Variants in KAZN observed in about 807,000 individuals in gnomAD.
KAZN encodes kazrin, periplakin interacting protein.
KAZN carries 40 observed loss-of-function variants against 87.4 expected under a neutral mutation model. The observed-to-expected ratio is 0.46, with a 90% confidence interval of 0.36 to 0.60. The LOEUF is 0.60. KAZN is among the 20% of genes least tolerant of loss of function. The probability of loss-of-function intolerance (pLI) is 0.00; values close to 1 mark genes in which losing one functional copy is unlikely to be tolerated. For missense variants in KAZN, 898 were observed against 1,073.9 expected (o/e 0.84, Z 2.29); for synonymous variants, 466 against 458.3 (o/e 1.02, Z -0.22).
rs1475991171 is a variant in KAZN at position 15,081,247 on chromosome 1, T to C, written c.1223-12933T>C. Among the ~76,000 whole-genome samples the C allele has an allele frequency of 1.3e-5, 2 of 152,214 alleles. No individual in the cohort carries two copies. The highest frequency in any genetic ancestry group is 2.9e-5 in the Non-Finnish European group (2 of 68,044). On this transcript the variant is annotated intron_variant, in intron 8 of 14. Coordinates refer to ENST00000376030, the MANE Select transcript of KAZN (RefSeq NM_201628.3). This position sits in a 1 kb window ranked among gnomAD's most constrained non-coding sequence, Gnocchi z 4.1. Reference sequence around the variant, plus strand: ...GCTCACACAGGCCCACGGATGGCTCTCTTCCCAACTCCACGTCCAGTGACA... The same window carrying C: ...GCTCACACAGGCCCACGGATGGCTCCCTTCCCAACTCCACGTCCAGTGACA...
chr1:13,958,060 C>T (rs955892476), intron 1 of KAZN, among the ~76,000 whole-genome samples: 4 of 152,110 alleles, frequency 2.6e-5, no homozygotes, highest in African/African-American at 4.8e-5. Context: ...TCACCTCATT[C>T]GTTCATTCAT....
intron 1 of KAZN, among the ~76,000 whole-genome samples, chr1:14,899,785 G>T (rs1041068442): frequency 7.9e-5 from 12 of 151,862 alleles, no homozygotes; most frequent in African/African-American, 2.9e-4. Context: ...TGCCACCTCC[G>T]CTCCCTCGGG....
At chr1:14,128,946 T>G (rs4662112) in intron 1 of KAZN, among the ~76,000 whole-genome samples, 1 of 152,008 alleles carries the variant, frequency 6.6e-6, no homozygotes, top group African/African-American at 2.4e-5. Context: ...TGAATTGCCT[T>G]AACAGAAGCC....
rs567916372 is a variant in KAZN at position 14,010,116 on chromosome 1, T to A, written c.91+116360T>A. Reference sequence around the variant, plus strand: ...AATAATACTAATTAAAAAAATTAGCTATAACTTTTTTTTTTACTCATATTT... The same window carrying A: ...AATAATACTAATTAAAAAAATTAGCAATAACTTTTTTTTTTACTCATATTT... On this transcript the variant is annotated intron_variant, in intron 1 of 16. Transcript: ENST00000636203. Among the ~76,000 whole-genome samples, 5 of 152,000 alleles carry A rather than the reference T, an allele frequency of 3.3e-5. No individual in the cohort carries two copies. The South Asian group carries it at 6.2e-4, about 19-fold the overall frequency.
intron 2 of KAZN, among the ~76,000 whole-genome samples, chr1:14,494,748 A>G (rs1050062717): frequency 2.6e-5 from 4 of 152,326 alleles, no homozygotes; most frequent in African/African-American, 9.6e-5. Context: ...TCAGGAGTAA[A>G]TATGTCCAGA....
chr1:14,284,337 A>T (rs1002444609), intron 2 of KAZN, among the ~76,000 whole-genome samples: 3 of 152,180 alleles, frequency 2.0e-5, no homozygotes, highest in African/African-American at 4.8e-5. Flanking sequence ...GTGATGCATG[A>T]GCTGGTTGCT....
chr1:14,037,083 CTATT>C (rs1473522299), intron 1 of KAZN, among the ~76,000 whole-genome samples: 1 of 152,102 alleles, frequency 6.6e-6, no homozygotes, highest in African/African-American at 2.4e-5. Context: ...CAGCTGGAGT[CTATT>C]TATATACACA....
At chr1:14,917,581 T>G (rs988713762) in intron 1 of KAZN, among the ~76,000 whole-genome samples, 1 of 152,212 alleles carries the variant, frequency 6.6e-6, no homozygotes, top group African/African-American at 2.4e-5. Context: ...CCTCATCTCC[T>G]GAAGGCCCTT....
Position 14,263,532 on chromosome 1 carries a change from C to G in KAZN, c.249+82940C>G, listed in dbSNP as rs147894934. On this transcript the variant is annotated intron_variant, in intron 2 of 16. Coordinates refer to the KAZN transcript ENST00000636203. ...GGCAACCCTGAGCTTCTCTTGTCAT[C>G]ACGTCAGCCAGGAAGGATTCTGAAT... 2.8e-3 allele frequency among the ~76,000 whole-genome samples: 430 copies of G among 152,226 alleles called. 1 individual carries two copies. Among genetic ancestry groups the G allele is most frequent in the African/African-American group, 9.6e-3 (400 of 41,540 alleles).
chr1:14,318,386 A>G (rs539217686), intron 2 of KAZN, among the ~76,000 whole-genome samples: 19 of 152,048 alleles, frequency 1.2e-4, no homozygotes, highest in Non-Finnish European at 2.1e-4. Context: ...ATTTTCTTCT[A>G]CGTTGCATAG....
intron 2 of KAZN, among the ~76,000 whole-genome samples, chr1:14,262,533 G>A (rs1450690851): frequency 6.6e-6 from 1 of 152,218 alleles, no homozygotes; most frequent in Non-Finnish European, 1.5e-5. Flanking sequence ...CTAGAGCCTT[G>A]TTTTAGCTCT....
intron 2 of KAZN, among the ~76,000 whole-genome samples, chr1:14,981,142 T>G (rs1666207443): frequency 6.6e-6 from 1 of 152,138 alleles, no homozygotes; most frequent in Non-Finnish European, 1.5e-5. Context: ...GGAGAGTAGT[T>G]AGGAGCTGGA....
chr1:14,933,152 C>T (rs1224873114), intron 1 of KAZN, among the ~76,000 whole-genome samples: 1 of 152,182 alleles, frequency 6.6e-6, no homozygotes, highest in African/African-American at 2.4e-5. Context: ...AGTCCAATGG[C>T]ACAATCTTGG....
chr1:15,091,350 G>GT (rs1640524987), intron 8 of KAZN, among the ~76,000 whole-genome samples: 2 of 152,006 alleles, frequency 1.3e-5, no homozygotes, highest in South Asian at 2.1e-4. Flanking sequence ...GTTGTTTTTT[G>GT]TTTTTTGTTT....
intron 2 of KAZN, among the ~76,000 whole-genome samples, chr1:14,273,726 C>T (rs1019866126): frequency 1.3e-5 from 2 of 152,178 alleles, no homozygotes; most frequent in Non-Finnish European, 2.9e-5. Context: ...TGAGTCATCT[C>T]AATAGCTACG....
At chr1:14,542,477 C>A (rs1672873250) in intron 2 of KAZN, among the ~76,000 whole-genome samples, 1 of 152,096 alleles carries the variant, frequency 6.6e-6, no homozygotes, top group African/African-American at 2.4e-5. Context: ...ATAACAACTA[C>A]AAATATTTAT....
chr1:14,237,239 A>T (rs1007753814), intron 2 of KAZN, among the ~76,000 whole-genome samples: 3 of 152,134 alleles, frequency 2.0e-5, no homozygotes, highest in African/African-American at 7.2e-5. Context: ...TCAGTAGATA[A>T]GAAACAGACA....
At chr1:14,826,545 C>T (rs1315948410) in intron 1 of KAZN, among the ~76,000 whole-genome samples, 2 of 152,172 alleles carry the variant, frequency 1.3e-5, no homozygotes, top group Non-Finnish European at 2.9e-5. Context: ...GCCCGTTCCC[C>T]ATGGGTGTCG....
chr1:14,930,029 C>CAGA, intron 1 of KAZN: 3 of 985,566 alleles, frequency 3.0e-6, no homozygotes, highest in South Asian at 4.7e-5. Context: ...AATTCGGAAC[C>CAGA]AGAAGAGTGT....
Sources: allele counts gnomAD v4.1 joint callset (sites outside exome capture counted in the v4.1 genomes callset), GRCh38; gene constraint gnomAD v4.1.1; non-coding constraint Gnocchi (gnomAD v3.1); transcripts MANE v1.5; gene names NCBI Gene and HGNC (gene_info 2026-07-23, HGNC 2026-07-21).